The following CLECL1 variants were observed in gnomAD, a reference collection of about 807,000 sequenced individuals.
The protein encoded by CLECL1 is C-type lectin-like domain family 1.
At chr12:9,703,110 G>A in the CLECL1 span, among the ~76,000 whole-genome samples, 2 of 152,152 alleles carry the variant, frequency 1.3e-5, no homozygotes, top group Non-Finnish European at 2.9e-5. Flanking sequence ...ACGTTCCAAA[G>A]TTCTCACCCA....
At chr12:9,722,945 C>A (rs1210292695) in intron 3 of CLECL1, 132 bp from the exon 2 acceptor site, 2 of 581,442 alleles carry the variant, frequency 3.4e-6, no homozygotes, top group African/African-American at 1.9e-5. Context: ...TGCTTTGTTC[C>A]AGGGTACATT....
chr12:9,703,375 G>GTTATTTAT, the CLECL1 span, among the ~76,000 whole-genome samples: 12,758 of 147,930 alleles, frequency 0.086, 645 homozygotes, highest in Non-Finnish European at 0.11. Flanking sequence ...TTTGTGCTAG[G>GTTATTTAT]TTATTTATTT....
chr12:9,728,520 C>T (rs895765796), intron 2 of CLECL1, among the ~76,000 whole-genome samples: 3 of 151,672 alleles, frequency 2.0e-5, no homozygotes, highest in African/African-American at 7.3e-5. Context: ...CTAGAGTATC[C>T]GTGAACATCG....
downstream of CLECL1, among the ~76,000 whole-genome samples, chr12:9,711,130 G>A (rs1010299469): frequency 6.6e-6 from 1 of 152,154 alleles, no homozygotes; most frequent in African/African-American, 2.4e-5. Context: ...AGACATTGCT[G>A]TGGGATCTGA....
downstream of CLECL1, among the ~76,000 whole-genome samples, chr12:9,711,682 TG>T (rs1177050372): frequency 1.3e-5 from 2 of 152,100 alleles, no homozygotes; most frequent in African/African-American, 4.8e-5. Flanking sequence ...CTTTCTTTTG[TG>T]GTTCCTTTTC....
chr12:9,720,799 C>A (rs1007635186), downstream of CLECL1, among the ~76,000 whole-genome samples: 2 of 152,150 alleles, frequency 1.3e-5, no homozygotes, highest in Non-Finnish European at 2.9e-5. Flanking sequence ...CTGCAGACCC[C>A]AGGAGCTTCA....
chr12:9,730,301 T>C (rs995467427), intron 1 of CLECL1, among the ~76,000 whole-genome samples: 3 of 152,102 alleles, frequency 2.0e-5, no homozygotes, highest in Non-Finnish European at 4.4e-5. Context: ...ATAAACCAAA[T>C]AAAAGAAGTT....
intron 3 of CLECL1, among the ~76,000 whole-genome samples, chr12:9,726,546 GA>G (rs1435761490): frequency 6.6e-6 from 1 of 151,968 alleles, no homozygotes; most frequent in Non-Finnish European, 1.5e-5. Flanking sequence ...GAAACAAAGA[GA>G]AATTAGAGAA....
rs912299793 is a variant in CLECL1, at chr12:9,729,886, T to C, written n.83-210A>G. On this transcript the variant is annotated intron_variant and non_coding_transcript_variant, in intron 1 of 3. Transcript: ENST00000621400. ...TTGAATAAATATGAATTTTTCCTTTTGGTTTCACTGTTTATATTCCCCAGT... is the reference window on the plus strand; with the variant it reads ...TTGAATAAATATGAATTTTTCCTTTCGGTTTCACTGTTTATATTCCCCAGT... Among the ~76,000 whole-genome samples, 7 of 152,204 alleles carry C rather than the reference T, an allele frequency of 4.6e-5. No homozygotes were observed. In the East Asian group the frequency reaches 7.7e-4, roughly 17 times the overall value.
chr12:9,734,287 A>G (rs188184546), upstream of CLECL1, among the ~76,000 whole-genome samples: 11 of 152,228 alleles, frequency 7.2e-5, no homozygotes, highest in East Asian at 2.1e-3. Context: ...CCAACTTCTG[A>G]CCCTGGATGA....
chr12:9,719,776 G>T (rs1003337572), downstream of CLECL1, among the ~76,000 whole-genome samples: 16 of 152,140 alleles, frequency 1.1e-4, no homozygotes, highest in African/African-American at 3.1e-4. Flanking sequence ...TTTGTGATTT[G>T]TTCTTGCTGT....
chr12:9,727,432 G>A (rs772553278), intron 3 of CLECL1, among the ~76,000 whole-genome samples: 27 of 151,748 alleles, frequency 1.8e-4, no homozygotes, highest in Admixed American at 2.6e-4. Flanking sequence ...ATGAGTCCAT[G>A]AAAAGCAATG....
downstream of CLECL1, among the ~76,000 whole-genome samples, chr12:9,720,058 C>T (rs1156824450): frequency 6.6e-6 from 1 of 152,164 alleles, no homozygotes; most frequent in Non-Finnish European, 1.5e-5. Context: ...ATGACTCAGT[C>T]TTAGGCACTG....
chr12:9,729,807 C>A (rs993230795), intron 1 of CLECL1, among the ~76,000 whole-genome samples: 1 of 151,952 alleles, frequency 6.6e-6, no homozygotes, highest in Non-Finnish European at 1.5e-5. Context: ...ATATGTAGAC[C>A]CAGCTTCTTT....
chr12:9,729,251 ATAATT>A (rs1866416893), intron 2 of CLECL1, among the ~76,000 whole-genome samples: 1 of 152,146 alleles, frequency 6.6e-6, no homozygotes, highest in Non-Finnish European at 1.5e-5. Context: ...AACACAAGTC[ATAATT>A]TAATTTGCTT....
chr12:9,716,658 A>C (rs1565479931), exon 3 of CLECL1: 7 of 514,726 alleles, frequency 1.4e-5, no homozygotes, highest in Admixed American at 4.6e-5. Context: ...TGTTCTCTTC[A>C]TCAGAGGCCT....
intron 3 of CLECL1, among the ~76,000 whole-genome samples, chr12:9,725,704 GT>G (rs1866371715): frequency 6.6e-6 from 1 of 152,012 alleles, no homozygotes; most frequent in Admixed American, 6.6e-5. Context: ...CAACACTGTT[GT>G]TTCTTTGAAG....
At chr12:9,711,870 C>T (rs952474899), downstream of CLECL1, among the ~76,000 whole-genome samples, 5 of 152,196 alleles carry the variant, frequency 3.3e-5, no homozygotes, top group African/African-American at 1.2e-4. Flanking sequence ...GGATTCCTGA[C>T]ATTCCTACAA....
At chr12:9,710,427 C>G in the CLECL1 span, among the ~76,000 whole-genome samples, 1 of 152,096 alleles carries the variant, frequency 6.6e-6, no homozygotes. Flanking sequence ...TTAGATACAC[C>G]TCTTCAGAGA....
Sources: gnomAD v4.1 joint callset for allele counts (sites outside exome capture counted in the v4.1 genomes callset) on GRCh38, gnomAD v4.1.1 for gene constraint, MANE v1.5 for transcripts, NCBI Gene and HGNC (gene_info 2026-07-23, HGNC 2026-07-21) for gene names.